The following ANKRD30A variants were observed in gnomAD, a reference collection of about 807,000 sequenced individuals.
The protein encoded by ANKRD30A is ankyrin repeat domain-containing protein 30A.
A neutral mutation model predicts 166.3 loss-of-function variants in ANKRD30A; 170 were observed. The observed-to-expected ratio is 1.02, with a 90% CI of 0.90 to 1.16. The LOEUF is 1.16. Ranked by LOEUF, ANKRD30A falls within the 50% of genes most tolerant of loss-of-function variation. The probability of loss-of-function intolerance (pLI) is 0.00; values close to 1 mark genes in which losing one functional copy is unlikely to be tolerated. For synonymous variants in ANKRD30A, 564 were observed against 508.9 expected, an observed-to-expected ratio of 1.11 and a Z score of -1.46; for missense variants, 1,630 against 1,518.0, an observed-to-expected ratio of 1.07 and a Z score of -1.23.
intron 31 of ANKRD30A, among the ~76,000 whole-genome samples, chr10:37,210,365 A>G (rs1167694194): frequency 6.6e-6 from 1 of 152,110 alleles, no homozygotes; most frequent in Non-Finnish European, 1.5e-5. Context: ...AATGTCTATC[A>G]TTGATGGACA....
At chr10:37,183,084 C>A (rs1223458534) in intron 24 of ANKRD30A, among the ~76,000 whole-genome samples, 68 of 149,186 alleles carry the variant, frequency 4.6e-4, no homozygotes, top group Non-Finnish European at 8.0e-4. Context: ...TAAAAGTCGA[C>A]ATTAAATGGC....
At chr10:37,149,923 A>G (rs963170222) in intron 11 of ANKRD30A, 74 bp downstream of exon 11, 43 of 1,574,926 alleles carry the variant, frequency 2.7e-5, no homozygotes, top group Middle Eastern at 4.2e-4. Context: ...TCTATCCCCA[A>G]TGCTTTATTT....
At chr10:37,213,077 A>C (rs79207422) in intron 31 of ANKRD30A, among the ~76,000 whole-genome samples, 3,207 of 151,794 alleles carry the variant, frequency 0.021, 100 homozygotes, top group African/African-American at 0.072. Context: ...GATCCTCTCA[A>C]AGTGTTTGGT....
Position 37,197,151 on chromosome 10 carries a change from C to G in ANKRD30A, c.2615-130C>G, listed in dbSNP as rs1452106049. The G allele has an allele frequency of 3.0e-6, 4 of 1,329,690 alleles. No individual in the cohort carries two copies. In the African/African-American group the frequency reaches 5.8e-5, roughly 19 times the overall value. 82.4% of individuals were successfully genotyped at this position (1,329,690 alleles called of 1,614,324 possible). A position where few individuals can be genotyped will look rare whatever the true frequency, so the allele number is the denominator to read the frequency against. On this transcript the variant is annotated intron_variant, in intron 27 of 35. Transcript: ENST00000361713. Reference sequence around the variant, plus strand: ...GTGTCCTAAACAAACCAAAAGAAAACTTTCCAAATCTAAAGTATTCATTCT... The same window carrying G: ...GTGTCCTAAACAAACCAAAAGAAAAGTTTCCAAATCTAAAGTATTCATTCT...
In ANKRD30A at chr10:37,192,635, C is replaced by A. The variant is rs2801984; in HGVS notation, c.2513-429C>A. 3.5e-3 allele frequency among the ~76,000 whole-genome samples: 529 copies of A among 151,654 alleles called. 3 individuals carry two copies. The highest frequency in any genetic ancestry group is 5.3e-3 in the Non-Finnish European group (361 of 67,796). Reference sequence around the variant, plus strand: ...AATAGCAACATGTATATATTGACATCAGTGATTCTGACGTGTTTCCTTAAC... The same window carrying A: ...AATAGCAACATGTATATATTGACATAAGTGATTCTGACGTGTTTCCTTAAC... On this transcript the variant is annotated intron_variant, in intron 25 of 35. Coordinates refer to ENST00000361713, the MANE Select transcript of ANKRD30A (RefSeq NM_052997.3).
chr10:37,152,225 C>A, intron 12 of ANKRD30A, 104 bp downstream of exon 12: 2 of 937,594 alleles, frequency 2.1e-6, no homozygotes, highest in Non-Finnish European at 1.6e-6. Context: ...TATGTCACCC[C>A]GAAATTATTT....
rs138880706 is a variant in ANKRD30A at position 37,171,681 on chromosome 10, C to G, written c.2257+1957C>G. Among the ~76,000 whole-genome samples, 636 of 151,218 alleles carry G rather than the reference C, an allele frequency of 4.2e-3. 16 individuals are homozygous for G. Among genetic ancestry groups the G allele is most frequent in the African/African-American group, 0.015 (609 of 41,086 alleles). On this transcript the variant is annotated intron_variant, in intron 21 of 35. Transcript: ENST00000361713. ...TGAAATAATGTCTGAAGTTGCACCT[C>G]TGAGTCTTTTTTCTCTTTTTCTTTT...
the ANKRD30A span, among the ~76,000 whole-genome samples, chr10:37,253,797 G>T: frequency 6.6e-6 from 1 of 152,028 alleles, no homozygotes; most frequent in Non-Finnish European, 1.5e-5. Flanking sequence ...ACAGGTGCCC[G>T]CCACCATGCC....
chr10:37,253,358 C>T, the ANKRD30A span, among the ~76,000 whole-genome samples: 1 of 152,094 alleles, frequency 6.6e-6, no homozygotes, highest in Non-Finnish European at 1.5e-5. Flanking sequence ...CAACATATAC[C>T]ATACAATTTA....
At chr10:37,166,003 G>T (rs981971472) in intron 18 of ANKRD30A, among the ~76,000 whole-genome samples, 1 of 151,982 alleles carries the variant, frequency 6.6e-6, no homozygotes, top group African/African-American at 2.4e-5. Context: ...TTTTCTTACT[G>T]CATTTACATT....
intron 1 of ANKRD30A, among the ~76,000 whole-genome samples, chr10:37,127,934 A>AC (rs1191715555): frequency 2.0e-5 from 3 of 152,162 alleles, no homozygotes; most frequent in Admixed American, 2.0e-4. Context: ...AATGAAACAT[A>AC]CATGCAATTT....
At chr10:37,165,456 T>A (rs985134288) in intron 18 of ANKRD30A, among the ~76,000 whole-genome samples, 3 of 152,222 alleles carry the variant, frequency 2.0e-5, no homozygotes, top group African/African-American at 7.2e-5. Context: ...AGCAAAAGAA[T>A]TACACTGAGT....
the ANKRD30A span, chr10:37,241,169 A>G: frequency 2.0e-5 from 3 of 151,858 alleles, no homozygotes; most frequent in Non-Finnish European, 2.9e-5. Context: ...TTTTCTTTCC[A>G]GGTGGTGCTG....
intron 25 of ANKRD30A, among the ~76,000 whole-genome samples, chr10:37,191,467 T>C (rs960433994): frequency 1.5e-4 from 23 of 151,978 alleles, no homozygotes; most frequent in Admixed American, 2.6e-4. Context: ...ATTATTATAA[T>C]GTGTTGCCTT....
rs551766203 is a variant in ANKRD30A, at chr10:37,204,825, G to A, written c.2869+3500G>A. On this transcript the variant is annotated intron_variant, in intron 31 of 35. Coordinates refer to ENST00000361713, the MANE Select transcript of ANKRD30A (RefSeq NM_052997.3). ...ACACTTCTCAAAAGAAGATATTTAT[G>A]CAGACAACAGACACATGAAAAAATC... is the stretch of plus-strand genomic sequence containing the variant. Among the ~76,000 whole-genome samples, 153 of 152,318 alleles carry A rather than the reference G, an allele frequency of 1.0e-3. 2 individuals are homozygous for A. Among genetic ancestry groups the A allele is most frequent in the South Asian group, 9.1e-3 (44 of 4,822 alleles).
Position 37,197,267 on chromosome 10 carries a change from C to A in ANKRD30A, c.2615-14C>A, listed in dbSNP as rs189399999. On this transcript the variant is annotated splice_polypyrimidine_tract_variant and intron_variant, in intron 27 of 35. Coordinates refer to ENST00000361713, the MANE Select transcript of ANKRD30A (RefSeq NM_052997.3). The stretch of plus-strand genomic sequence containing the variant: ...TTTACTTATGATTGATGATAAATCT[C>A]TTTTGCTTTTTAGAGCCTCCCGAGA... The A allele has an allele frequency of 0.042, 63,502 of 1,497,310 alleles. 5,238 individuals are homozygous for A. The highest frequency in any genetic ancestry group is 0.053 in the Middle Eastern group (278 of 5,228). The allele number at this position is 1,497,310 out of a possible 1,614,324, so 92.8% of individuals were successfully genotyped here.
In ANKRD30A at chr10:37,153,459, G is replaced by A. The variant is rs1282939530; in HGVS notation, c.1708-113G>A. 40 of 1,513,100 alleles carry A rather than the reference G, an allele frequency of 2.6e-5. 1 individual carries two copies. The East Asian group carries it at 9.0e-4, about 34-fold the overall frequency. The allele number at this position is 1,513,100 out of a possible 1,614,324, so 93.7% of individuals were successfully genotyped here. A position where few individuals can be genotyped will look rare whatever the true frequency, so the allele number is the denominator to read the frequency against. ...TATGTATCTGCACTTAAGTCGAATT[G>A]TTTGCAAAGGAGGAAATTGTGTTTT... is the stretch of plus-strand genomic sequence containing the variant. On this transcript the variant is annotated intron_variant, in intron 12 of 35. Transcript: ENST00000361713.
intron 34 of ANKRD30A, among the ~76,000 whole-genome samples, chr10:37,223,648 T>G (rs1229261243): frequency 6.6e-6 from 1 of 151,466 alleles, no homozygotes; most frequent in Non-Finnish European, 1.5e-5. Flanking sequence ...TAAATCATTT[T>G]GGGTTGTTTT....
In ANKRD30A at chr10:37,141,761, G is replaced by C. The variant is rs369194109; in HGVS notation, c.864G>C (p.Ala288=). The change falls in exon 7 of 36, where the codon GCG becomes GCC. Residue 288 remains alanine, a synonymous_variant. Transcript: ENST00000361713. ...AGTPDEAAPL[A]ERTPDTAESL... The stretch of plus-strand genomic sequence containing the variant: ...CACCTGATGAGGCTGCACCCTTGGC[G>C]GAAAGAACACCTGACACAGCTGAAA... 6.2e-7 allele frequency: 1 copy of C among 1,612,020 alleles called. No homozygotes were observed.
Sources: gnomAD v4.1 joint callset for allele counts (sites outside exome capture counted in the v4.1 genomes callset) on GRCh38, gnomAD v4.1.1 for gene constraint, MANE v1.5 for transcripts, NCBI Gene and HGNC (gene_info 2026-07-23, HGNC 2026-07-21) for gene names.